MAPK4: variants seen among roughly 807,000 people sequenced by gnomAD.
The protein encoded by MAPK4 is Erk3-related.
MAPK4 carries 22 observed loss-of-function variants against 47.7 expected under a neutral mutation model. That is an observed-to-expected ratio of 0.46 (90% confidence interval 0.33 to 0.66). The LOEUF (loss-of-function observed/expected upper bound fraction) is 0.66, where lower values mean the gene tolerates loss of function less well. MAPK4 is among the 30% of genes least tolerant of loss of function. The probability of loss-of-function intolerance (pLI) is 0.02; values close to 1 mark genes in which losing one functional copy is unlikely to be tolerated. For missense variants in MAPK4, 736 were observed against 831.7 expected, an observed-to-expected ratio of 0.88 and a Z score of 1.42; for synonymous variants, 390 against 365.7, an observed-to-expected ratio of 1.07 and a Z score of -0.76.
At chr18:50,619,772 A>T (rs1376740670) in intron 1 of MAPK4, among the ~76,000 whole-genome samples, 1 of 152,236 alleles carries the variant, frequency 6.6e-6, no homozygotes, top group Non-Finnish European at 1.5e-5. Flanking sequence ...TCATAATGCT[A>T]AACCTCCTTT....
chr18:50,583,905 T>C (rs1383601434), intron 1 of MAPK4, among the ~76,000 whole-genome samples: 1 of 152,222 alleles, frequency 6.6e-6, no homozygotes. Flanking sequence ...AGAGACACAC[T>C]GTACTAGAGG....
At chr18:50,561,698 T>C (rs2042154910) in intron 1 of MAPK4, among the ~76,000 whole-genome samples, 1 of 152,210 alleles carries the variant, frequency 6.6e-6, no homozygotes, top group Admixed American at 6.5e-5. Flanking sequence ...TTTTAACCTT[T>C]CCAAACCGCT....
intron 1 of MAPK4, among the ~76,000 whole-genome samples, chr18:50,565,521 C>T (rs931479734): frequency 6.6e-6 from 1 of 152,162 alleles, no homozygotes; most frequent in Non-Finnish European, 1.5e-5. Flanking sequence ...ATGAGATGTC[C>T]TTGCATTAAA....
rs1025999263 is a variant in MAPK4 at position 50,730,682 on chromosome 18, A to G, written c.*828A>G. The G allele has an allele frequency of 6.6e-6, 1 of 152,158 alleles. No homozygotes were observed. The highest frequency in any genetic ancestry group is 2.4e-5 in the African/African-American group (1 of 41,250). 9.4% of individuals were successfully genotyped at this position (152,158 alleles called of 1,614,324 possible). The stretch of plus-strand genomic sequence containing the variant: ...TGCACACACCCCCTCAGCACTCCCT[A>G]TGCACTTTCCTGACACGCAAAGACA... On this transcript the variant is annotated 3_prime_UTR_variant, in exon 6 of 6. Transcript: ENST00000400384.
At chr18:50,582,640 C>G (rs1415881232) in intron 1 of MAPK4, among the ~76,000 whole-genome samples, 2 of 152,230 alleles carry the variant, frequency 1.3e-5, no homozygotes, top group Non-Finnish European at 2.9e-5. Context: ...CTGCCTCTGC[C>G]TGGGGCCTCA....
At chr18:50,652,435 G>A (rs1182391292) in intron 1 of MAPK4, among the ~76,000 whole-genome samples, 1 of 152,184 alleles carries the variant, frequency 6.6e-6, no homozygotes, top group African/African-American at 2.4e-5. Flanking sequence ...GTAAGAGGCA[G>A]GCTGGGCTGG....
At chr18:50,560,929 A>G (rs944932352) in intron 1 of MAPK4, among the ~76,000 whole-genome samples, 2 of 152,220 alleles carry the variant, frequency 1.3e-5, no homozygotes, top group African/African-American at 2.4e-5. Context: ...CAGGAAAGCA[A>G]TCGGAAGTCA....
At chr18:50,726,242 C>G in intron 5 of MAPK4, 67 bp downstream of exon 5, 1 of 1,446,820 alleles carries the variant, frequency 6.9e-7, no homozygotes, top group Middle Eastern at 1.8e-4. Context: ...TGCCTCTAAT[C>G]CTCCGTGACC....
chr18:50,698,198 T>A (rs1356915648), intron 2 of MAPK4, among the ~76,000 whole-genome samples: 1 of 152,190 alleles, frequency 6.6e-6, no homozygotes, highest in Non-Finnish European at 1.5e-5. Context: ...TTCAGAGTAT[T>A]AGGCCTTCCA....
intron 1 of MAPK4, among the ~76,000 whole-genome samples, chr18:50,638,991 C>A (rs2042914178): frequency 6.6e-6 from 1 of 152,206 alleles, no homozygotes; most frequent in African/African-American, 2.4e-5. Flanking sequence ...CAGGCCTCCA[C>A]AGAGGAGGAA....
intron 2 of MAPK4, among the ~76,000 whole-genome samples, chr18:50,684,429 C>T (rs981722969): frequency 4.0e-5 from 6 of 151,772 alleles, no homozygotes; most frequent in Admixed American, 2.6e-4. Flanking sequence ...ACCTGTAGTC[C>T]CAGCTACTCA....
At chr18:50,586,543 A>G (rs2042390164) in intron 1 of MAPK4, among the ~76,000 whole-genome samples, 1 of 151,992 alleles carries the variant, frequency 6.6e-6, no homozygotes, top group Admixed American at 6.6e-5. Context: ...TGGGCAGAAA[A>G]CGTAATGTAT....
At chr18:50,717,370 CA>C (rs1258183889) in intron 3 of MAPK4, among the ~76,000 whole-genome samples, 2 of 152,156 alleles carry the variant, frequency 1.3e-5, no homozygotes, top group African/African-American at 4.8e-5. Flanking sequence ...CAGTGTGGCC[CA>C]GGGGGAGCGT....
chr18:50,680,383 C>T (rs758010123), intron 2 of MAPK4, among the ~76,000 whole-genome samples: 2 of 152,022 alleles, frequency 1.3e-5, no homozygotes, highest in African/African-American at 2.4e-5. Flanking sequence ...TGAGCCACCG[C>T]GCCTGGCCTA....
intron 2 of MAPK4, among the ~76,000 whole-genome samples, chr18:50,672,976 T>C (rs1346097264): frequency 6.6e-6 from 1 of 152,194 alleles, no homozygotes; most frequent in Admixed American, 6.5e-5. Flanking sequence ...GGGTAAGCAG[T>C]TGATTAAATG....
At chr18:50,618,516 A>G (rs2042704258) in intron 1 of MAPK4, among the ~76,000 whole-genome samples, 1 of 152,172 alleles carries the variant, frequency 6.6e-6, no homozygotes. Flanking sequence ...TATATATAAA[A>G]TCTGGGGTTC....
At chr18:50,715,313 A>C in intron 3 of MAPK4, 90 bp downstream of exon 3, 3 of 1,403,734 alleles carry the variant, frequency 2.1e-6, no homozygotes, top group Non-Finnish European at 9.6e-7. Flanking sequence ...ATCACAAAAC[A>C]TGCTCATCTT....
chr18:50,668,459 T>C (rs1415260170), intron 2 of MAPK4, among the ~76,000 whole-genome samples: 3 of 152,210 alleles, frequency 2.0e-5, no homozygotes, highest in African/African-American at 7.2e-5. Context: ...AGTGAGCAAC[T>C]GGCCACGTCG....
chr18:50,562,348 G>A (rs372297686), intron 1 of MAPK4, among the ~76,000 whole-genome samples: 1 of 151,096 alleles, frequency 6.6e-6, no homozygotes, highest in Non-Finnish European at 1.5e-5. Context: ...ACAAACCCTG[G>A]CTATATCACC....
Sources: gnomAD v4.1 joint callset for allele counts (sites outside exome capture counted in the v4.1 genomes callset) on GRCh38, gnomAD v4.1.1 for gene constraint, MANE v1.5 for transcripts, NCBI Gene and HGNC (gene_info 2026-07-23, HGNC 2026-07-21) for gene names.